Variants in ABLIM1 observed in about 807,000 individuals in gnomAD.
The protein encoded by ABLIM1 is actin binding LIM protein 1.
A neutral mutation model predicts 107.0 loss-of-function variants in ABLIM1; 40 were observed. The observed-to-expected ratio is 0.37, with a 90% confidence interval of 0.29 to 0.49. The LOEUF (loss-of-function observed/expected upper bound fraction) is 0.49. Ranked by LOEUF, ABLIM1 falls within the 20% of genes least tolerant of loss-of-function variation. The pLI, the probability that ABLIM1 is intolerant of heterozygous loss-of-function variation, is 0.97. For synonymous variants in ABLIM1, 357 were observed against 357.3 expected (o/e 1.00, Z 0.01); for missense variants, 857 against 1,008.5 (o/e 0.85, Z 2.04).
At chr10:114,686,936 C>T (rs2080954774), upstream of ABLIM1, among the ~76,000 whole-genome samples, 1 of 152,066 alleles carries the variant, frequency 6.6e-6, no homozygotes, top group Non-Finnish European at 1.5e-5. Context: ...CTCAAACAAC[C>T]ACTTTCTAAT....
rs545713681 is a variant in ABLIM1, at chr10:114,698,523, C to T, written c.-213+69538G>A. The stretch of plus-strand genomic sequence containing the variant: ...GAGAGAAACTGAAAAAAACAGAATT[C>T]TCCAGTCCTGAAGGAAGACACAAGT... On this transcript the variant is annotated intron_variant, in intron 1 of 15. Transcript: ENST00000651092. Among the ~76,000 whole-genome samples the T allele has an allele frequency of 6.6e-5, 10 of 151,826 alleles. No individual in the cohort carries two copies. In the South Asian group the frequency reaches 2.1e-3, roughly 32 times the overall value.
chr10:114,798,559 C>CCCG, the ABLIM1 span, among the ~76,000 whole-genome samples: 12 of 141,972 alleles, frequency 8.5e-5, 1 homozygote, highest in Non-Finnish European at 1.2e-4. Flanking sequence ...TGATGAGACC[C>CCCG]CCCCCCCATG....
intron 2 of ABLIM1, among the ~76,000 whole-genome samples, chr10:114,599,345 C>A (rs1451866145): frequency 6.6e-6 from 1 of 152,072 alleles, no homozygotes; most frequent in Non-Finnish European, 1.5e-5. Context: ...TAGAATTAAA[C>A]TAAAAGAGAA....
the ABLIM1 span, among the ~76,000 whole-genome samples, chr10:114,795,709 C>CAAAAAAA: frequency 9.2e-6 from 1 of 109,166 alleles, no homozygotes. Context: ...GACTCCATCT[C>CAAAAAAA]AAAAAAAAAA....
At chr10:114,517,447 A>T (rs546143243) in intron 6 of ABLIM1, among the ~76,000 whole-genome samples, 4 of 152,094 alleles carry the variant, frequency 2.6e-5, no homozygotes, top group Non-Finnish European at 5.9e-5. Flanking sequence ...GAGCCCCCAG[A>T]AGAACCCCCA....
chr10:114,797,879 T>C, the ABLIM1 span, among the ~76,000 whole-genome samples: 1 of 152,206 alleles, frequency 6.6e-6, no homozygotes, highest in Admixed American at 6.5e-5. Context: ...TATTATGAAG[T>C]TATCTTATCT....
chr10:114,504,733 C>A (rs147798837), intron 6 of ABLIM1, among the ~76,000 whole-genome samples: 1 of 152,138 alleles, frequency 6.6e-6, no homozygotes, highest in Admixed American at 6.5e-5. Flanking sequence ...TTAGGCTGGA[C>A]TGAACTTTCA....
At chr10:114,524,410 T>C (rs963261621) in intron 6 of ABLIM1, among the ~76,000 whole-genome samples, 4 of 152,126 alleles carry the variant, frequency 2.6e-5, no homozygotes, top group African/African-American at 7.2e-5. Flanking sequence ...GATTCTTCAA[T>C]TGCACTCACA....
At chr10:114,689,409 T>A (rs1202674928), upstream of ABLIM1, among the ~76,000 whole-genome samples, 14 of 148,038 alleles carry the variant, frequency 9.5e-5, no homozygotes, top group African/African-American at 3.5e-4. Context: ...TTGCCCAGGC[T>A]GGAGTGCAGT....
At chr10:114,524,258 G>A (rs776626080) in intron 6 of ABLIM1, among the ~76,000 whole-genome samples, 3 of 152,156 alleles carry the variant, frequency 2.0e-5, no homozygotes, top group Admixed American at 6.5e-5. Context: ...AGCAGCACTC[G>A]CAGCTTCATG....
chr10:114,439,086 A>G lies in ABLIM1; in HGVS notation c.2142+90T>C, dbSNP rs937868890. The G allele has an allele frequency of 5.2e-5, 78 of 1,503,038 alleles. No homozygotes were observed. The African/African-American group carries it at 9.9e-4, about 19-fold the overall frequency. The allele number at this position is 1,503,038 out of a possible 1,614,324, so 93.1% of individuals were successfully genotyped here. A position where few individuals can be genotyped will look rare whatever the true frequency, so the allele number is the denominator to read the frequency against. On this transcript the variant is annotated intron_variant, in intron 21 of 22. Transcript: ENST00000533213. ...GCTCACCTGAACACACCAGCCTACAACACTTTGAGAATGATGAAAAGATAG... is the reference window on the plus strand; with the variant it reads ...GCTCACCTGAACACACCAGCCTACAGCACTTTGAGAATGATGAAAAGATAG...
intron 2 of ABLIM1, among the ~76,000 whole-genome samples, chr10:114,600,051 G>T (rs572815009): frequency 3.4e-4 from 51 of 152,190 alleles, no homozygotes; most frequent in African/African-American, 1.2e-3. Flanking sequence ...CTGGTATATG[G>T]AACCTGCAAA....
chr10:114,662,589 C>T (rs184841891), upstream of ABLIM1, among the ~76,000 whole-genome samples: 49 of 152,282 alleles, frequency 3.2e-4, no homozygotes, highest in South Asian at 8.3e-4. Context: ...GCATATGCTC[C>T]GGTCTGGGCA....
chr10:114,653,053 C>T (rs1416795826), intron 1 of ABLIM1, among the ~76,000 whole-genome samples: 1 of 152,186 alleles, frequency 6.6e-6, no homozygotes, highest in Non-Finnish European at 1.5e-5. Context: ...GCTCCTCAGG[C>T]TGAGGCAGAG....
chr10:114,508,819 C>T (rs2061482062), intron 6 of ABLIM1, among the ~76,000 whole-genome samples: 1 of 152,168 alleles, frequency 6.6e-6, no homozygotes, highest in Non-Finnish European at 1.5e-5. Context: ...AGAGTGGTCA[C>T]CACACAGTGA....
At chr10:114,641,742 G>A (rs1047405704) in intron 1 of ABLIM1, among the ~76,000 whole-genome samples, 1 of 152,140 alleles carries the variant, frequency 6.6e-6, no homozygotes, top group African/African-American at 2.4e-5. Context: ...GTCCTGAGAC[G>A]GGAGCCCACC....
At chr10:114,667,946 T>C (rs1352534979) in intron 1 of ABLIM1, among the ~76,000 whole-genome samples, 2 of 152,152 alleles carry the variant, frequency 1.3e-5, no homozygotes, top group Non-Finnish European at 2.9e-5. Flanking sequence ...CCATGAGATT[T>C]TGGAAATGAG....
rs1284636243 is a variant in ABLIM1, at chr10:114,619,826, A to G, written c.245-17865T>C. Among the ~76,000 whole-genome samples, 1 of 152,194 alleles carries G rather than the reference A, an allele frequency of 6.6e-6. No homozygotes were observed. The highest frequency in any genetic ancestry group is 1.5e-5 in the Non-Finnish European group (1 of 68,042). The stretch of plus-strand genomic sequence containing the variant: ...GACTTCCAGCTGGAATTCAAACAGT[A>G]TTTTACTCTGAATTTAACAGTTGGG... On this transcript the variant is annotated intron_variant, in intron 1 of 22. Transcript: ENST00000533213. This position sits in a 1 kb window ranked among gnomAD's most constrained non-coding sequence, Gnocchi z 4.1.
intron 1 of ABLIM1, among the ~76,000 whole-genome samples, chr10:114,679,739 A>ATTCTGGAACGGAAATGCCACC (rs1318766028): frequency 3.3e-5 from 5 of 152,150 alleles, no homozygotes; most frequent in African/African-American, 1.2e-4. Flanking sequence ...GAAATGCCAC[A>ATTCTGGAACGGAAATGCCACC]TTCTGGAACA....
Sources: allele counts gnomAD v4.1 joint callset (sites outside exome capture counted in the v4.1 genomes callset), GRCh38; gene constraint gnomAD v4.1.1; non-coding constraint Gnocchi (gnomAD v3.1); transcripts MANE v1.5; gene names NCBI Gene and HGNC (gene_info 2026-07-23, HGNC 2026-07-21).